The following PKHD1 variants were observed in gnomAD, a reference collection of about 807,000 sequenced individuals.
PKHD1 encodes the protein PKHD1 ciliary IPT domain containing fibrocystin/polyductin.
Under a neutral mutation model 412.0 loss-of-function variants are expected in PKHD1, and 291 were observed. That is an observed-to-expected ratio of 0.71 (90% confidence interval 0.64 to 0.78). The LOEUF is 0.78. PKHD1 is among the 30% of genes least tolerant of loss of function. The pLI is 0.00. For synonymous variants in PKHD1, 1,777 were observed against 1,821.5 expected (o/e 0.98, Z 0.62); for missense variants, 4,825 against 4,950.7 (o/e 0.97, Z 0.76).
chr6:51,881,151 T>C (rs1349702381), intron 46 of PKHD1, among the ~76,000 whole-genome samples: 1 of 147,282 alleles, frequency 6.8e-6, no homozygotes. Context: ...ATCTGAAAAA[T>C]ACTGTGCTAA....
chr6:51,841,119 A>T (rs1198895922), intron 50 of PKHD1, among the ~76,000 whole-genome samples: 3 of 152,232 alleles, frequency 2.0e-5, no homozygotes, highest in Non-Finnish European at 4.4e-5. Flanking sequence ...GTGTTAACTA[A>T]GTATTGTTTT....
At chr6:51,796,015 G>A (rs532699687) in intron 52 of PKHD1, among the ~76,000 whole-genome samples, 22 of 152,272 alleles carry the variant, frequency 1.4e-4, no homozygotes, top group South Asian at 1.0e-3. Flanking sequence ...GGATGATGCT[G>A]ACCTCATAAA....
Position 51,626,926 on chromosome 6 carries a change from A to G in PKHD1, c.11785+71T>C. The stretch of plus-strand genomic sequence containing the variant: ...CCAAATTGCTTCAGAGACAGAGCTG[A>G]AGGAGAGGGAGGCTCAGACCATCCA... On this transcript the variant is annotated intron_variant, in intron 66 of 66. Transcript: ENST00000371117. 2.0e-6 allele frequency: 3 copies of G among 1,537,910 alleles called. No homozygotes were observed. In the South Asian group the frequency reaches 3.4e-5, roughly 17 times the overall value.
intron 35 of PKHD1, among the ~76,000 whole-genome samples, chr6:51,998,322 G>A (rs1797948744): frequency 6.6e-6 from 1 of 152,102 alleles, no homozygotes; most frequent in Admixed American, 6.5e-5. Flanking sequence ...TCAAAAGGCT[G>A]GGAAGGGAAG....
rs70977326 is a variant in PKHD1, at chr6:52,065,168, T to TAGAGAGAGAGAGAG, written c.881-132_881-119dup. 223 of 31,710 alleles carry TAGAGAGAGAGAGAG rather than the reference T, an allele frequency of 7.0e-3. 8 individuals are homozygous for TAGAGAGAGAGAGAG. Among genetic ancestry groups the TAGAGAGAGAGAGAG allele is most frequent in the Non-Finnish European group, 9.1e-3 (165 of 18,192 alleles). The allele number at this position is 31,710 out of a possible 1,614,324, so 2.0% of individuals were successfully genotyped here. ...ATATATATATATATATATATATATA[T>TAGAGAGAGAGAGAG]AGAGAGAGAGAGAGAGAGAGAGAGA... On this transcript the variant is annotated intron_variant, in intron 12 of 66. Coordinates refer to ENST00000371117, the MANE Select transcript of PKHD1 (RefSeq NM_138694.4).
intron 29 of PKHD1, among the ~76,000 whole-genome samples, chr6:52,031,363 A>C (rs1803005726): frequency 6.6e-6 from 1 of 152,210 alleles, no homozygotes; most frequent in Non-Finnish European, 1.5e-5. Flanking sequence ...CTGCCAACTG[A>C]TCAGACCATG....
At chr6:52,010,915 T>C (rs1245707979) in intron 34 of PKHD1, among the ~76,000 whole-genome samples, 4 of 152,086 alleles carry the variant, frequency 2.6e-5, no homozygotes, top group East Asian at 1.9e-4. Flanking sequence ...GATGGAGAAA[T>C]TGGAAAACCC....
chr6:51,922,389 G>T (rs1784841653), intron 37 of PKHD1, among the ~76,000 whole-genome samples: 1 of 152,234 alleles, frequency 6.6e-6, no homozygotes, highest in South Asian at 2.1e-4. Context: ...CTCCCATTTA[G>T]GCTACTCAGG....
At chr6:51,766,803 C>T (rs1240710498) in intron 55 of PKHD1, among the ~76,000 whole-genome samples, 1 of 151,744 alleles carries the variant, frequency 6.6e-6, no homozygotes, top group East Asian at 1.9e-4. Flanking sequence ...TGGGTGCAAA[C>T]ATTTTCTAGT....
At chr6:51,785,119 C>T (rs2151217978) in intron 53 of PKHD1, among the ~76,000 whole-genome samples, 1 of 152,160 alleles carries the variant, frequency 6.6e-6, no homozygotes, top group East Asian at 1.9e-4. Context: ...AGAAAGAATG[C>T]CTGAAACTGA....
At chr6:51,912,856 T>C (rs1360718867) in intron 37 of PKHD1, among the ~76,000 whole-genome samples, 1 of 152,084 alleles carries the variant, frequency 6.6e-6, no homozygotes, top group East Asian at 1.9e-4. Flanking sequence ...GTGGTCAGAT[T>C]ACACTTATAT....
chr6:52,076,324 C>T lies in PKHD1; in HGVS notation c.400G>A (p.Ala134Thr), dbSNP rs536456650. The change falls in exon 6 of 67, where the codon GCG (alanine) becomes ACG (threonine). Residue 134 changes from alanine (A) to threonine (T), a missense_variant. Transcript: ENST00000371117. ...ACTTGGTGAACGATGGGTGTCTGCG[C>T]CTTGGAAAACTGTTTAGAAAATAGT... Reference protein sequence around the residue: ...RDSCTFKFSKAQTPIVHQVYP... With the variant: ...RDSCTFKFSKTQTPIVHQVYP... The T allele has an allele frequency of 9.9e-6, 16 of 1,612,270 alleles. No homozygotes were observed. In the South Asian group the frequency reaches 1.4e-4, roughly 14 times the overall value.
chr6:52,004,860 T>C (rs1373899783), intron 35 of PKHD1, among the ~76,000 whole-genome samples: 1 of 152,206 alleles, frequency 6.6e-6, no homozygotes, highest in Non-Finnish European at 1.5e-5. Flanking sequence ...TTAGAGGCTA[T>C]GTTCACTTCA....
At chr6:51,974,906 A>G (rs775384276) in intron 35 of PKHD1, among the ~76,000 whole-genome samples, 3 of 152,206 alleles carry the variant, frequency 2.0e-5, no homozygotes, top group Non-Finnish European at 4.4e-5. Flanking sequence ...ACAGATACAG[A>G]AGAAAGACCA....
chr6:51,866,045 G>A (rs1775016632), intron 48 of PKHD1, among the ~76,000 whole-genome samples: 1 of 151,912 alleles, frequency 6.6e-6, no homozygotes, highest in Non-Finnish European at 1.5e-5. Flanking sequence ...AAAATCCCTG[G>A]TGCTGCTGCT....
intron 35 of PKHD1, among the ~76,000 whole-genome samples, chr6:51,994,589 T>G (rs1313554273): frequency 6.6e-6 from 1 of 152,184 alleles, no homozygotes; most frequent in Non-Finnish European, 1.5e-5. Context: ...GTTTGTTTTT[T>G]TCCTTGAGAC....
chr6:52,079,816 TG>T, intron 5 of PKHD1, 83 bp downstream of exon 5: 1 of 812,680 alleles, frequency 1.2e-6, no homozygotes, highest in African/African-American at 1.7e-5. Context: ...GCAGACACGC[TG>T]GCTCATTTAC....
intron 55 of PKHD1, among the ~76,000 whole-genome samples, chr6:51,766,877 A>G (rs1582560461): frequency 6.6e-6 from 1 of 152,140 alleles, no homozygotes; most frequent in East Asian, 1.9e-4. Flanking sequence ...ATATTGTCAA[A>G]TCTATTATTT....
intron 52 of PKHD1, among the ~76,000 whole-genome samples, chr6:51,828,354 T>A (rs1767680667): frequency 6.6e-6 from 1 of 152,064 alleles, no homozygotes; most frequent in African/African-American, 2.4e-5. Context: ...CAGAATCCAC[T>A]TATAGAGTGG....
Sources: allele counts gnomAD v4.1 joint callset (sites outside exome capture counted in the v4.1 genomes callset), GRCh38; gene constraint gnomAD v4.1.1; transcripts MANE v1.5; gene names NCBI Gene and HGNC (gene_info 2026-07-23, HGNC 2026-07-21).